MYBPHL: variants seen among roughly 807,000 people sequenced by gnomAD.
MYBPHL encodes myosin binding protein H like.
MYBPHL carries 32 observed loss-of-function variants against 39.5 expected under a neutral mutation model. The ratio of observed to expected loss-of-function variants is 0.81; its 90% CI spans 0.61 to 1.09. The LOEUF is 1.09. Among genes scored for constraint, MYBPHL ranks in the 50% least tolerant of loss-of-function variants. The probability of loss-of-function intolerance (pLI) is 0.00; values close to 1 mark genes in which losing one functional copy is unlikely to be tolerated. For synonymous variants in MYBPHL, 196 were observed against 183.7 expected (o/e 1.07, Z -0.54); for missense variants, 456 against 460.2 (o/e 0.99, Z 0.08).
intron 1 of MYBPHL, among the ~76,000 whole-genome samples, chr1:109,303,911 C>T (rs1189650657): frequency 6.6e-6 from 1 of 151,912 alleles, no homozygotes; most frequent in Non-Finnish European, 1.5e-5. Context: ...CCTCAGGGTC[C>T]TTGCAGTTGT....
chr1:109,295,535 G>A (rs1199964049), intron 6 of MYBPHL, among the ~76,000 whole-genome samples: 2 of 152,196 alleles, frequency 1.3e-5, no homozygotes, highest in Non-Finnish European at 2.9e-5. Flanking sequence ...ATTTCTGACT[G>A]GAAGAAAACT....
At chr1:109,305,740 T>C (rs1658444849) in intron 1 of MYBPHL, among the ~76,000 whole-genome samples, 1 of 152,212 alleles carries the variant, frequency 6.6e-6, no homozygotes, top group Non-Finnish European at 1.5e-5. Flanking sequence ...ATTCAAATAG[T>C]TTCTGGAAAC....
intron 1 of MYBPHL, among the ~76,000 whole-genome samples, chr1:109,304,686 G>A (rs372791029): frequency 7.2e-5 from 11 of 152,180 alleles, no homozygotes; most frequent in African/African-American, 2.4e-4. Flanking sequence ...TTGTTCCCCA[G>A]CCTCTCCCTG....
intron 1 of MYBPHL, among the ~76,000 whole-genome samples, chr1:109,300,974 G>C (rs1463085825): frequency 6.6e-6 from 1 of 152,246 alleles, no homozygotes; most frequent in Non-Finnish European, 1.5e-5. Flanking sequence ...GGCTAACTCA[G>C]CTGACTACGT....
chr1:109,294,680 G>A (rs572799252), intron 7 of MYBPHL, among the ~76,000 whole-genome samples: 36 of 152,226 alleles, frequency 2.4e-4, no homozygotes, highest in African/African-American at 7.5e-4. Flanking sequence ...TAAATAAACC[G>A]GAGGGGAAGT....
chr1:109,294,666 C>T (rs1299507543), intron 7 of MYBPHL, among the ~76,000 whole-genome samples: 1 of 152,104 alleles, frequency 6.6e-6, no homozygotes, highest in Non-Finnish European at 1.5e-5. Flanking sequence ...TGCAATATTA[C>T]CTATAAATAA....
intron 6 of MYBPHL, among the ~76,000 whole-genome samples, chr1:109,295,561 G>A (rs916047160): frequency 2.0e-5 from 3 of 152,114 alleles, no homozygotes; most frequent in Non-Finnish European, 2.9e-5. Context: ...CTTCCGTTCC[G>A]GGCTCTCAGG....
chr1:109,302,973 C>T (rs1386318885), intron 1 of MYBPHL, among the ~76,000 whole-genome samples: 1 of 152,148 alleles, frequency 6.6e-6, no homozygotes, highest in African/African-American at 2.4e-5. Flanking sequence ...TTCTATTTTC[C>T]TCTTCTGCTA....
chr1:109,304,084 G>T (rs1418659798), intron 1 of MYBPHL, among the ~76,000 whole-genome samples: 1 of 152,090 alleles, frequency 6.6e-6, no homozygotes, highest in Non-Finnish European at 1.5e-5. Context: ...TTCTATCCCC[G>T]TCCCTGCATT....
In MYBPHL at chr1:109,297,425, T is replaced by A. The variant is rs773257330; in HGVS notation, c.427A>T (p.Ile143Phe). 1 of 1,611,554 alleles carries A rather than the reference T, an allele frequency of 6.2e-7. No homozygotes were observed. Among genetic ancestry groups the A allele is most frequent in the South Asian group, 1.1e-5 (1 of 90,932 alleles). The change falls in exon 3 of 9, where the codon ATT becomes TTT. Residue 143 changes from isoleucine (I) to phenylalanine (F), a missense_variant. Coordinates refer to ENST00000357155, the MANE Select transcript of MYBPHL (RefSeq NM_001010985.3). ...TCTCCCACTTCCCCCACCGTACCAA[T>A]CACCAGGATGTCAATGGTGGCGGTG... The part of the protein sequence containing the change: ...EATATIDILV[I>F]ERPGPPQSIK...
rs372110491 is a variant in MYBPHL, at chr1:109,296,888, G to T, written c.625C>A (p.Leu209Ile). ...AAGGCATAGGAGTTGCCGATGATGA[G>T]GTCAGAGACGATGCAGCTGGTGCGG... ...YHRTSCIVSD[L>I]IIGNSYAFRV... Residue 209 changes from leucine to isoleucine, a missense_variant, in exon 5 of 9, where the codon CTC (leucine) becomes ATC (isoleucine). Leu to Ile is a conservative substitution (Grantham distance 5). Transcript: ENST00000357155. The T allele has an allele frequency of 4.3e-5, 69 of 1,614,054 alleles. No individual in the cohort carries two copies. The highest frequency in any genetic ancestry group is 1.6e-4 in the Middle Eastern group (1 of 6,084).
intron 8 of MYBPHL, among the ~76,000 whole-genome samples, chr1:109,293,570 C>A (rs548785171): frequency 6.6e-6 from 1 of 150,996 alleles, no homozygotes; most frequent in African/African-American, 2.4e-5. Context: ...AGTGAAACCC[C>A]GTCTCTACTA....
intron 1 of MYBPHL, among the ~76,000 whole-genome samples, chr1:109,299,138 A>G (rs680767): frequency 0.72 from 109,035 of 152,082 alleles, 39,843 homozygotes; most frequent in East Asian, 1. Context: ...TGGCTGAGAC[A>G]GACACCATTT....
At position 109,306,978 on chromosome 1, in the gene MYBPHL, G is replaced by A; in HGVS notation, c.14C>T (p.Thr5Ile). 1 of 1,610,928 alleles carries A rather than the reference G, an allele frequency of 6.2e-7. No individual in the cohort carries two copies. The highest frequency in any genetic ancestry group is 1.3e-5 in the African/African-American group (1 of 74,828). The part of the protein sequence containing the change: MEAA[T>I]APEVAAGSKL... ...GGATCCTGCGGCCACCTCCGGAGCTGTGGCTGCCTCCATGCTGGGCCTTCC... is the reference window on the plus strand; with the variant it reads ...GGATCCTGCGGCCACCTCCGGAGCTATGGCTGCCTCCATGCTGGGCCTTCC... Residue 5 changes from threonine to isoleucine, a missense_variant, in exon 1 of 9, where the codon ACA (threonine) becomes ATA (isoleucine). Physicochemically the swap from Thr to Ile is moderately conservative, Grantham distance 89 (BLOSUM62 -1). Coordinates refer to ENST00000357155, the MANE Select transcript of MYBPHL (RefSeq NM_001010985.3).
At position 109,296,947 on chromosome 1, in the gene MYBPHL, G is replaced by A. The variant is rs755836709; in HGVS notation, c.571-5C>T. The A allele has an allele frequency of 2.0e-5, 32 of 1,614,078 alleles. No homozygotes were observed. The highest frequency in any genetic ancestry group is 1.6e-4 in the South Asian group (15 of 91,080). ...CTCCAGCACCGTGAACCACAGCTGC[G>A]GGGCCGAACATGATGCCAGAAATCA... On this transcript the variant is annotated splice_polypyrimidine_tract_variant and splice_region_variant and intron_variant, in intron 4 of 8. Coordinates refer to ENST00000357155, the MANE Select transcript of MYBPHL (RefSeq NM_001010985.3).
intron 1 of MYBPHL, among the ~76,000 whole-genome samples, chr1:109,298,571 T>G (rs1658171515): frequency 1.3e-5 from 2 of 152,150 alleles, no homozygotes; most frequent in Non-Finnish European, 2.9e-5. Flanking sequence ...GGAGGCATTT[T>G]TATTTTTCTG....
chr1:109,298,094 T>C (rs1658148566), intron 2 of MYBPHL, 75 bp downstream of exon 2: 2 of 1,262,758 alleles, frequency 1.6e-6, no homozygotes, highest in Non-Finnish European at 2.2e-6. Context: ...CTAGCAGGAC[T>C]CTTGGTATCT....
intron 1 of MYBPHL, among the ~76,000 whole-genome samples, chr1:109,299,795 C>T (rs1429674858): frequency 1.3e-5 from 2 of 152,208 alleles, no homozygotes; most frequent in Non-Finnish European, 2.9e-5. Flanking sequence ...GATGCAGCAG[C>T]TGCAGGCGGC....
At chr1:109,302,047 ATGTG>A (rs918517891) in intron 1 of MYBPHL, among the ~76,000 whole-genome samples, 4 of 151,370 alleles carry the variant, frequency 2.6e-5, no homozygotes, top group African/African-American at 4.9e-5. Flanking sequence ...GTGTGTATGT[ATGTG>A]TGTGTGAGTG....
Sources: allele counts gnomAD v4.1 joint callset (sites outside exome capture counted in the v4.1 genomes callset), GRCh38; gene constraint gnomAD v4.1.1; transcripts MANE v1.5; gene names NCBI Gene and HGNC (gene_info 2026-07-23, HGNC 2026-07-21).